The following DCPS variants were observed in gnomAD, a reference collection of about 807,000 sequenced individuals.
DCPS encodes m7GpppX diphosphatase.
In DCPS, 27 loss-of-function variants were observed where a neutral mutation model predicts 34.7. The observed-to-expected ratio is 0.78, with a 90% confidence interval of 0.57 to 1.07. The LOEUF is 1.07. DCPS is among the 50% of genes least tolerant of loss of function. DCPS has a pLI of 0.00. For missense variants in DCPS, 464 were observed against 436.9 expected, an observed-to-expected ratio of 1.06 and a Z score of -0.55; for synonymous variants, 185 against 185.7, an observed-to-expected ratio of 1.00 and a Z score of 0.03.
In DCPS at chr11:126,315,105, G is replaced by A. The variant is rs1002139248; in HGVS notation, c.376+8361G>A. 6.6e-6 allele frequency among the ~76,000 whole-genome samples: 1 copy of A among 152,104 alleles called. No homozygotes were observed. Among genetic ancestry groups the A allele is most frequent in the African/African-American group, 2.4e-5 (1 of 41,362 alleles). On this transcript the variant is annotated intron_variant, in intron 2 of 5. Coordinates refer to ENST00000263579, the MANE Select transcript of DCPS (RefSeq NM_014026.6). This position sits in a 1 kb window ranked among gnomAD's most constrained non-coding sequence, Gnocchi z 6.1. ...CCTAAATGCCCACTTGAGGGTGGAGGGTTGGAGGAGTAAGAGGATCAAAAA... is the reference window on the plus strand; with the variant it reads ...CCTAAATGCCCACTTGAGGGTGGAGAGTTGGAGGAGTAAGAGGATCAAAAA...
At chr11:126,339,881 GCCTGGGTCACAGGA>G (rs777420922) in intron 4 of DCPS, among the ~76,000 whole-genome samples, 9 of 152,218 alleles carry the variant, frequency 5.9e-5, no homozygotes, top group Non-Finnish European at 1.0e-4. Flanking sequence ...CGGGGTCAGA[GCCTGGGTCACAGGA>G]GGCGGGGCCC....
rs954839489 is a variant in DCPS at position 126,342,832 on chromosome 11, C to G, written c.637-475C>G. The stretch of plus-strand genomic sequence containing the variant: ...CGGTGGCTCACGCCTGTAATCCCAG[C>G]ACTTTGGGAGGCCGAGGCAGGCGGA... On this transcript the variant is annotated intron_variant, in intron 4 of 5. Transcript: ENST00000263579. This position sits in a 1 kb window ranked among gnomAD's most constrained non-coding sequence, Gnocchi z 4.4. Among the ~76,000 whole-genome samples the G allele has an allele frequency of 3.3e-5, 5 of 152,102 alleles. No homozygotes were observed. The highest frequency in any genetic ancestry group is 7.4e-5 in the Non-Finnish European group (5 of 68,022).
In DCPS at chr11:126,331,556, T is replaced by C. The variant is rs142577432; in HGVS notation, c.522+6T>C. 0.012 allele frequency: 18,732 copies of C among 1,613,698 alleles called. 190 individuals carry two copies. Among genetic ancestry groups the C allele is most frequent in the African/African-American group, 0.047 (3,501 of 75,020 alleles). ...CCCAGAGCCTCAGCATCCAGGTGAC[T>C]GGCTGCATGTCTCAGACGCAGAGCA... is the stretch of plus-strand genomic sequence containing the variant. On this transcript the variant is annotated splice_donor_region_variant and intron_variant, in intron 3 of 5. Transcript: ENST00000263579. The surrounding 1 kb of genome is among the most constrained non-coding windows in gnomAD (Gnocchi z 7.2).
intron 2 of DCPS, among the ~76,000 whole-genome samples, chr11:126,307,139 C>CT: frequency 6.6e-6 from 1 of 151,912 alleles, no homozygotes; most frequent in South Asian, 2.1e-4. Context: ...AGACCAGACT[C>CT]TCGGCCAACA....
rs1217846329 is a variant in DCPS at position 126,336,065 on chromosome 11, G to A, written c.523-2221G>A. 7.1e-6 allele frequency among the ~76,000 whole-genome samples: 1 copy of A among 140,172 alleles called. No individual in the cohort carries two copies. Among genetic ancestry groups the A allele is most frequent in the Non-Finnish European group, 1.5e-5 (1 of 66,598 alleles). The allele number at this position is 140,172 out of a possible 152,430, so 92.0% of individuals were successfully genotyped here. On this transcript the variant is annotated intron_variant, in intron 3 of 5. Transcript: ENST00000263579. This position sits in a 1 kb window ranked among gnomAD's most constrained non-coding sequence, Gnocchi z 6.3. The stretch of plus-strand genomic sequence containing the variant: ...TGGGAGGCGGAGGTTGCAGTGAGCC[G>A]AAATCACGCCACTGCACTCTAGTCT...
At position 126,328,573 on chromosome 11, in the gene DCPS, C is replaced by T. The variant is rs961219561; in HGVS notation, c.377-2832C>T. Among the ~76,000 whole-genome samples, 1 of 152,150 alleles carries T rather than the reference C, an allele frequency of 6.6e-6. No individual in the cohort carries two copies. The highest frequency in any genetic ancestry group is 6.5e-5 in the Admixed American group (1 of 15,274). Reference sequence around the variant, plus strand: ...CACCCTGGGTGGCTGGGGCAGGTCTCCCACAGGCCTCGGCAGACCAGGGCA... The same window carrying T: ...CACCCTGGGTGGCTGGGGCAGGTCTTCCACAGGCCTCGGCAGACCAGGGCA... On this transcript the variant is annotated intron_variant, in intron 2 of 5. Coordinates refer to ENST00000263579, the MANE Select transcript of DCPS (RefSeq NM_014026.6). The surrounding 1 kb of genome is among the most constrained non-coding windows in gnomAD (Gnocchi z 6.6).
In DCPS at chr11:126,348,223, G is replaced by A. The variant is rs77570784; in HGVS notation, c.*2610G>A. Among the ~76,000 whole-genome samples, 7 of 152,164 alleles carry A rather than the reference G, an allele frequency of 4.6e-5. No individual in the cohort carries two copies. The highest frequency in any genetic ancestry group is 4.6e-4 in the Admixed American group (7 of 15,274). ...GGAGACAGGGACCCACACTCTGGAA[G>A]GTTTCTCGACTCCCCCGAGGGGCTG... is the stretch of plus-strand genomic sequence containing the variant. On this transcript the variant is annotated 3_prime_UTR_variant, in exon 6 of 6. Transcript: ENST00000263579. This position sits in a 1 kb window ranked among gnomAD's most constrained non-coding sequence, Gnocchi z 5.3.
intron 2 of DCPS, among the ~76,000 whole-genome samples, chr11:126,309,016 T>G (rs1591380747): frequency 6.9e-6 from 1 of 145,306 alleles, no homozygotes; most frequent in Admixed American, 7.1e-5. Flanking sequence ...TCTTTTCTTT[T>G]CCTGCCCCTT....
chr11:126,306,767 G>T, intron 2 of DCPS, 23 bp downstream of exon 2: 1 of 1,582,064 alleles, frequency 6.3e-7, no homozygotes, highest in Middle Eastern at 1.7e-4. Flanking sequence ...TGGCCAGGGT[G>T]GCTGTATGGA....
rs1203369252 is a variant in DCPS, at chr11:126,337,297, CT to C, written c.523-988del. 1.3e-5 allele frequency: 2 copies of C among 152,352 alleles called. No homozygotes were observed. The highest frequency in any genetic ancestry group is 2.9e-5 in the Non-Finnish European group (2 of 68,176). 9.4% of individuals were successfully genotyped at this position (152,352 alleles called of 1,614,324 possible). ...CCCTCTCTGGTTTCCTAGCAGGTCT[CT>C]CCCCCAGATGTAGGGCAGAGTTCAC... On this transcript the variant is annotated intron_variant, in intron 3 of 5. Coordinates refer to ENST00000263579, the MANE Select transcript of DCPS (RefSeq NM_014026.6). The surrounding 1 kb of genome is among the most constrained non-coding windows in gnomAD (Gnocchi z 5.3).
At chr11:126,326,486 G>T (rs1951739543) in intron 2 of DCPS, among the ~76,000 whole-genome samples, 1 of 152,174 alleles carries the variant, frequency 6.6e-6, no homozygotes, top group Non-Finnish European at 1.5e-5. Context: ...GAGTAAATGA[G>T]TTCATTTTTG....
At chr11:126,305,776 G>GT (rs755073449) in intron 1 of DCPS, among the ~76,000 whole-genome samples, 4 of 152,042 alleles carry the variant, frequency 2.6e-5, no homozygotes, top group Non-Finnish European at 4.4e-5. Context: ...CTTGTTTTCT[G>GT]TTTTTTTGTA....
Position 126,320,484 on chromosome 11 carries a change from T to TGTG in DCPS, c.377-10921_377-10920insGTG, listed in dbSNP as rs1951697570. The stretch of plus-strand genomic sequence containing the variant: ...TGCTCTGACAATGATATTAAAGGAA[T>TGTG]ATTCTTAAAAAAAAATTAACCCATC... On this transcript the variant is annotated intron_variant, in intron 2 of 5. Transcript: ENST00000263579. This position sits in a 1 kb window ranked among gnomAD's most constrained non-coding sequence, Gnocchi z 4.7. 2.6e-5 allele frequency among the ~76,000 whole-genome samples: 4 copies of TGTG among 151,534 alleles called. No individual in the cohort carries two copies. Among genetic ancestry groups the TGTG allele is most frequent in the African/African-American group, 9.7e-5 (4 of 41,340 alleles).
chr11:126,345,637 G>T lies in DCPS; in HGVS notation c.*24G>T. On this transcript the variant is annotated 3_prime_UTR_variant, in exon 6 of 6. Transcript: ENST00000263579. This position sits in a 1 kb window ranked among gnomAD's most constrained non-coding sequence, Gnocchi z 7.4. The stretch of plus-strand genomic sequence containing the variant: ...GAATTAACTCAGGCAGAAGAGCACA[G>T]ATGTGTGGGATTGGGGGAGGAGTGG... 6.2e-7 allele frequency: 1 copy of T among 1,600,554 alleles called. No individual in the cohort carries two copies. Among genetic ancestry groups the T allele is most frequent in the African/African-American group, 1.3e-5 (1 of 74,842 alleles).
chr11:126,343,961 A>T (rs1268147576), intron 5 of DCPS, among the ~76,000 whole-genome samples: 1 of 152,052 alleles, frequency 6.6e-6, no homozygotes, highest in Non-Finnish European at 1.5e-5. Flanking sequence ...AGTGTCTAGA[A>T]TCTTGGGTGT....
chr11:126,331,321 T>G lies in DCPS; in HGVS notation c.377-84T>G. ...TTCCCTCAGGGAATCAAAGCCAGGGTGGGAGTTCTCTCCTCACCGTGGTGC... is the reference window on the plus strand; with the variant it reads ...TTCCCTCAGGGAATCAAAGCCAGGGGGGGAGTTCTCTCCTCACCGTGGTGC... On this transcript the variant is annotated intron_variant, in intron 2 of 5. Transcript: ENST00000263579. This position sits in a 1 kb window ranked among gnomAD's most constrained non-coding sequence, Gnocchi z 7.2. 1 of 1,550,532 alleles carries G rather than the reference T, an allele frequency of 6.4e-7. No homozygotes were observed. Among genetic ancestry groups the G allele is most frequent in the Non-Finnish European group, 8.7e-7 (1 of 1,146,584 alleles).
intron 2 of DCPS, among the ~76,000 whole-genome samples, chr11:126,326,905 A>G (rs1166979942): frequency 6.6e-6 from 1 of 151,562 alleles, no homozygotes; most frequent in Non-Finnish European, 1.5e-5. Context: ...CCTGGGCGAC[A>G]GAGCGAGACT....
At position 126,331,384 on chromosome 11, in the gene DCPS, G is replaced by A; in HGVS notation, c.377-21G>A. ...GAGTGGGCATTGCTTCCCTGTCACG[G>A]GCTGTGCTGTATCATTGCAGATGTA... On this transcript the variant is annotated intron_variant, in intron 2 of 5. Coordinates refer to ENST00000263579, the MANE Select transcript of DCPS (RefSeq NM_014026.6). The surrounding 1 kb of genome is among the most constrained non-coding windows in gnomAD (Gnocchi z 7.2). The A allele has an allele frequency of 6.2e-7, 1 of 1,613,388 alleles. No individual in the cohort carries two copies.
intron 2 of DCPS, among the ~76,000 whole-genome samples, chr11:126,307,247 C>T (rs1228548441): frequency 1.3e-5 from 2 of 150,518 alleles, no homozygotes; most frequent in African/African-American, 2.5e-5. Flanking sequence ...GTGGGAGACT[C>T]GCTTGAACCC....
Sources: gnomAD v4.1 joint callset for allele counts (sites outside exome capture counted in the v4.1 genomes callset) on GRCh38, gnomAD v4.1.1 for gene constraint, Gnocchi (gnomAD v3.1) non-coding constraint, MANE v1.5 for transcripts, NCBI Gene and HGNC (gene_info 2026-07-23, HGNC 2026-07-21) for gene names.